The following NPAS3 variants were observed in gnomAD, a reference collection of about 807,000 sequenced individuals.
NPAS3 encodes neuronal PAS domain-containing protein 3.
In NPAS3, 14 loss-of-function variants were observed where a neutral mutation model predicts 73.1. The observed-to-expected ratio is 0.19, with a 90% CI of 0.13 to 0.30. The LOEUF is 0.30. NPAS3 is among the 10% of genes least tolerant of loss of function. The pLI is 1.00. For missense variants in NPAS3, 1,096 were observed against 1,250.0 expected (o/e 0.88, Z 1.86); for synonymous variants, 620 against 541.5 (o/e 1.14, Z -2.01).
chr14:33,162,385 A>C (rs1411327959), intron 2 of NPAS3, among the ~76,000 whole-genome samples: 2 of 152,152 alleles, frequency 1.3e-5, no homozygotes, highest in Non-Finnish European at 2.9e-5. Context: ...TAAATACTTT[A>C]ATATGCGTTT....
chr14:33,209,394 C>G (rs1186651554), intron 2 of NPAS3, among the ~76,000 whole-genome samples: 1 of 152,102 alleles, frequency 6.6e-6, no homozygotes, highest in Non-Finnish European at 1.5e-5. Context: ...GAAGGAAGGG[C>G]AAGCATTGCT....
intron 1 of NPAS3, among the ~76,000 whole-genome samples, chr14:32,970,622 TGA>T (rs1214031916): frequency 6.6e-6 from 1 of 152,186 alleles, no homozygotes; most frequent in African/African-American, 2.4e-5. Context: ...GCTAGAATTC[TGA>T]GATCAAGGTG....
intron 5 of NPAS3, among the ~76,000 whole-genome samples, chr14:33,600,453 T>G (rs138803697): frequency 6.6e-6 from 1 of 152,238 alleles, no homozygotes; most frequent in Non-Finnish European, 1.5e-5. Flanking sequence ...AAGAGCTCTC[T>G]GTGCTTGGCA....
chr14:32,934,968 G>A, upstream of NPAS3: 2 of 1,315,712 alleles, frequency 1.5e-6, no homozygotes, highest in Non-Finnish European at 2.0e-6. This position sits in a 1 kb window ranked among gnomAD's most constrained non-coding sequence, Gnocchi z 4.1. Flanking sequence ...ACGGCACCCC[G>A]CAGAACGTCC....
chr14:33,499,989 G>C lies in NPAS3; in HGVS notation c.469-60132G>C, dbSNP rs553323694. On this transcript the variant is annotated intron_variant, in intron 4 of 11. Transcript: ENST00000356141. ...AACGGAAGAAAATAAAGGAATCAAGGGTTCATTGCATTTCTCTTACGTTCT... is the reference window on the plus strand; with the variant it reads ...AACGGAAGAAAATAAAGGAATCAAGCGTTCATTGCATTTCTCTTACGTTCT... Among the ~76,000 whole-genome samples the C allele has an allele frequency of 3.2e-4, 49 of 151,928 alleles. 1 individual carries two copies. Among genetic ancestry groups the C allele is most frequent in the African/African-American group, 1.2e-3 (48 of 41,488 alleles).
intron 2 of NPAS3, among the ~76,000 whole-genome samples, chr14:33,106,753 C>T (rs558908625): frequency 1.7e-4 from 26 of 152,176 alleles, no homozygotes; most frequent in East Asian, 5.8e-4. Context: ...AACTGATGCA[C>T]GGGAAGTCTA....
Position 33,576,913 on chromosome 14 carries a change from CCTT to C in NPAS3, c.558+16706_558+16708del, listed in dbSNP as rs2056459613. Among the ~76,000 whole-genome samples the C allele has an allele frequency of 2.0e-5, 3 of 152,270 alleles. No individual in the cohort carries two copies. In the South Asian group the frequency reaches 6.2e-4, roughly 32 times the overall value. ...AGCCTTACATTGCCCCCTTTTGAGTCCTTCTCTTTGAAAGAGATTTGGGAATGA... is the reference window on the plus strand; with the variant it reads ...AGCCTTACATTGCCCCCTTTTGAGTCCTCTTTGAAAGAGATTTGGGAATGA... On this transcript the variant is annotated intron_variant, in intron 5 of 11. Transcript: ENST00000356141.
At position 33,093,183 on chromosome 14, in the gene NPAS3, A is replaced by G. The variant is rs186544707; in HGVS notation, c.140+37189A>G. Among the ~76,000 whole-genome samples the G allele has an allele frequency of 4.9e-3, 740 of 152,348 alleles. 8 individuals carry two copies. Among genetic ancestry groups the G allele is most frequent in the African/African-American group, 0.017 (706 of 41,578 alleles). On this transcript the variant is annotated intron_variant, in intron 2 of 11. Coordinates refer to ENST00000356141, the Ensembl canonical transcript of NPAS3. ...AAACTATCATTAGCGTGAACAGGCA[A>G]CCTACAGAATGGGAGAAAATTTTTG... is the stretch of plus-strand genomic sequence containing the variant.
At chr14:33,701,797 A>G (rs2060529624) in intron 6 of NPAS3, among the ~76,000 whole-genome samples, 1 of 152,182 alleles carries the variant, frequency 6.6e-6, no homozygotes, top group Non-Finnish European at 1.5e-5. Flanking sequence ...GTCTCTGCCC[A>G]TGAGGTACAA....
rs114844242 is a variant in NPAS3, at chr14:32,941,939, T to C, written c.50+2573T>C. On this transcript the variant is annotated intron_variant, in intron 1 of 11. Coordinates refer to ENST00000356141, the Ensembl canonical transcript of NPAS3. ...ACACTTTAAGTGTAAACATTACACA[T>C]GTAAGTTGATTTGGCTTTGTAATGA... 8.7e-3 allele frequency among the ~76,000 whole-genome samples: 1,321 copies of C among 152,342 alleles called. 23 individuals are homozygous for C. Among genetic ancestry groups the C allele is most frequent in the African/African-American group, 0.03 (1,253 of 41,576 alleles).
chr14:33,603,057 C>A (rs1402386546), intron 5 of NPAS3, among the ~76,000 whole-genome samples: 1 of 152,134 alleles, frequency 6.6e-6, no homozygotes. Context: ...ATGTTAATTA[C>A]TCAAAACTTA....
chr14:33,214,717 A>G (rs1394345871), intron 2 of NPAS3: 1 of 155,326 alleles, frequency 6.4e-6, no homozygotes, highest in Non-Finnish European at 1.4e-5. Flanking sequence ...TCTGCTCCCC[A>G]AGATTATAAT....
rs759653604 is a variant in NPAS3, at chr14:33,793,855, C to G, written c.1154-42C>G. The G allele has an allele frequency of 3.8e-6, 6 of 1,559,786 alleles. No individual in the cohort carries two copies. The African/African-American group carries it at 8.3e-5, about 22-fold the overall frequency. Reference sequence around the variant, plus strand: ...AAAAAAAAAAAAAAGTTATTTGATCCCAGTCTTAATACAATGCCTCTGTTT... The same window carrying G: ...AAAAAAAAAAAAAAGTTATTTGATCGCAGTCTTAATACAATGCCTCTGTTT... On this transcript the variant is annotated intron_variant, in intron 9 of 11. Coordinates refer to ENST00000356141, the Ensembl canonical transcript of NPAS3.
At chr14:33,032,388 G>A (rs2040025964) in intron 1 of NPAS3, among the ~76,000 whole-genome samples, 1 of 152,160 alleles carries the variant, frequency 6.6e-6, no homozygotes, top group Non-Finnish European at 1.5e-5. Flanking sequence ...AACATTCAAG[G>A]CAAAAGGAAA....
At chr14:33,437,500 T>G (rs1008676588) in intron 4 of NPAS3, among the ~76,000 whole-genome samples, 8 of 152,158 alleles carry the variant, frequency 5.3e-5, no homozygotes, top group Non-Finnish European at 1.0e-4. Context: ...TAGAGTAGAG[T>G]ATTCAAGGAA....
chr14:33,691,838 T>A (rs1315672970), intron 6 of NPAS3, among the ~76,000 whole-genome samples: 5 of 152,284 alleles, frequency 3.3e-5, no homozygotes, highest in East Asian at 3.9e-4. Flanking sequence ...AAAATTTTTT[T>A]AAAATAGATA....
intron 3 of NPAS3, among the ~76,000 whole-genome samples, chr14:33,359,513 G>C (rs1594765169): frequency 6.6e-6 from 1 of 152,260 alleles, no homozygotes; most frequent in East Asian, 1.9e-4. Flanking sequence ...TGCCATAACT[G>C]TTTGCTTGCT....
chr14:33,430,747 T>C (rs1279048864), intron 4 of NPAS3, among the ~76,000 whole-genome samples: 1 of 152,200 alleles, frequency 6.6e-6, no homozygotes, highest in Non-Finnish European at 1.5e-5. Context: ...CCCTGCAAAT[T>C]AAATTATTAA....
At chr14:33,270,070 G>T (rs952805693) in intron 3 of NPAS3, among the ~76,000 whole-genome samples, 1 of 152,050 alleles carries the variant, frequency 6.6e-6, no homozygotes, top group Non-Finnish European at 1.5e-5. Flanking sequence ...CTGATCCCAT[G>T]GGGAGCTCTG....
Sources: gnomAD v4.1 joint callset for allele counts (sites outside exome capture counted in the v4.1 genomes callset) on GRCh38, gnomAD v4.1.1 for gene constraint, Gnocchi (gnomAD v3.1) non-coding constraint, MANE v1.5 for transcripts, NCBI Gene and HGNC (gene_info 2026-07-23, HGNC 2026-07-21) for gene names.